SUN1: variants seen among roughly 807,000 people sequenced by gnomAD.
SUN1 encodes the protein SUN domain-containing protein 1.
A neutral mutation model predicts 103.2 loss-of-function variants in SUN1; 61 were observed. That is an observed-to-expected ratio of 0.59 (90% confidence interval 0.48 to 0.73). The LOEUF is 0.73. Ranked by LOEUF, SUN1 falls within the 30% of genes least tolerant of loss-of-function variation. SUN1 has a pLI of 0.00. For missense variants in SUN1, 1,052 were observed against 1,034.6 expected, an observed-to-expected ratio of 1.02 and a Z score of -0.23; for synonymous variants, 490 against 425.7, an observed-to-expected ratio of 1.15 and a Z score of -1.86.
intron 17 of SUN1, among the ~76,000 whole-genome samples, chr7:870,733 G>A (rs1452199677): frequency 2.6e-5 from 4 of 151,950 alleles, no homozygotes; most frequent in South Asian, 2.1e-4. Context: ...TCCCTTTTCC[G>A]CTTCCCTGTG....
intron 1 of SUN1, among the ~76,000 whole-genome samples, chr7:821,463 T>C (rs1785971388): frequency 6.6e-6 from 1 of 152,164 alleles, no homozygotes; most frequent in Admixed American, 6.6e-5. Flanking sequence ...CCCGGCCTGG[T>C]GACCTGTTTT....
At chr7:871,400 A>AT (rs1841563157) in intron 17 of SUN1, among the ~76,000 whole-genome samples, 1 of 151,452 alleles carries the variant, frequency 6.6e-6, no homozygotes, top group Admixed American at 6.6e-5. Flanking sequence ...AGAGGTTTTT[A>AT]TTTTTTGAGA....
chr7:854,814 G>A (rs1336953793), intron 10 of SUN1, 106 bp from the exon 11 acceptor site: 3 of 758,912 alleles, frequency 4.0e-6, no homozygotes, highest in Non-Finnish European at 6.8e-6. Flanking sequence ...TGCGACCACA[G>A]ATTCTCTGAT....
At chr7:854,098 G>A (rs1394199447) in intron 10 of SUN1, among the ~76,000 whole-genome samples, 1 of 152,232 alleles carries the variant, frequency 6.6e-6, no homozygotes, top group Non-Finnish European at 1.5e-5. Flanking sequence ...TTCAGAGGAT[G>A]CCTTCTCTTG....
chr7:865,370 C>G (rs1835638356), intron 15 of SUN1, among the ~76,000 whole-genome samples: 1 of 152,318 alleles, frequency 6.6e-6, no homozygotes, highest in Non-Finnish European at 1.5e-5. Context: ...CTCGGCCTCC[C>G]AAAGTGCTGG....
At chr7:831,905 A>G (rs150293327), upstream of SUN1, 120 of 347,946 alleles carry the variant, frequency 3.4e-4, no homozygotes, top group African/African-American at 2.5e-3. Context: ...ATAAATCTAG[A>G]TGACAACCTG....
At chr7:832,045 G>C, upstream of SUN1, 2 of 988,380 alleles carry the variant, frequency 2.0e-6, no homozygotes, top group Non-Finnish European at 2.4e-6. Context: ...TGAGATGCTT[G>C]TGAGAGCTTC....
Position 873,926 on chromosome 7 carries a change from G to A in SUN1, c.*595G>A, listed in dbSNP as rs1843150922. 1.3e-5 allele frequency: 2 copies of A among 152,538 alleles called. No individual in the cohort carries two copies. Among genetic ancestry groups the A allele is most frequent in the South Asian group, 2.1e-4 (1 of 4,838 alleles). The allele number at this position is 152,538 out of a possible 1,614,324, so 9.4% of individuals were successfully genotyped here. A position where few individuals can be genotyped will look rare whatever the true frequency, so the allele number is the denominator to read the frequency against. ...TACTTCTGAGGAAGGTTTCCAGTCA[G>A]GACTCGCTGTACCAATATCCATGGA... On this transcript the variant is annotated 3_prime_UTR_variant, in exon 19 of 19. Coordinates refer to ENST00000401592, the MANE Select transcript of SUN1 (RefSeq NM_001130965.3).
chr7:867,980 C>T lies in SUN1; in HGVS notation c.1981-1369C>T, dbSNP rs922254525. ...CTCAGTGTCCACCCAGCACCCTGAG[C>T]TGGCAAGGGCTAGGCTTTGGGCTGG... On this transcript the variant is annotated intron_variant, in intron 16 of 18. Transcript: ENST00000401592. 3.3e-5 allele frequency among the ~76,000 whole-genome samples: 5 copies of T among 152,330 alleles called. No individual in the cohort carries two copies. The South Asian group carries it at 6.2e-4, about 19-fold the overall frequency.
Position 857,963 on chromosome 7 carries a change from C to T in SUN1, c.1524+6C>T, listed in dbSNP as rs1829028535. On this transcript the variant is annotated splice_donor_region_variant and intron_variant, in intron 13 of 18. Transcript: ENST00000401592. The stretch of plus-strand genomic sequence containing the variant: ...TGGATGCCGTACAAGAAAGAGTGAG[C>T]TTTCTGCATGTTTACTTTTTGTTTT... 1 of 1,548,958 alleles carries T rather than the reference C, an allele frequency of 6.5e-7. No homozygotes were observed. The highest frequency in any genetic ancestry group is 8.8e-7 in the Non-Finnish European group (1 of 1,140,490).
chr7:867,106 G>C (rs1730362188), intron 16 of SUN1, among the ~76,000 whole-genome samples: 1 of 152,196 alleles, frequency 6.6e-6, no homozygotes, highest in African/African-American at 2.4e-5. Context: ...GATCACATGG[G>C]ACTGTCGTCA....
At chr7:849,212 C>T (rs1008248818) in intron 5 of SUN1, among the ~76,000 whole-genome samples, 6 of 152,264 alleles carry the variant, frequency 3.9e-5, no homozygotes, top group Non-Finnish European at 7.3e-5. Flanking sequence ...GCCTCAGCCT[C>T]CCAAGTGCTG....
chr7:852,310 C>T (rs1234080030), intron 7 of SUN1: 3 of 595,396 alleles, frequency 5.0e-6, no homozygotes, highest in African/African-American at 3.7e-5. Context: ...CAGGCTTCTG[C>T]CCTGCTGCAG....
upstream of SUN1, chr7:831,146 T>C: frequency 2.1e-6 from 1 of 466,960 alleles, no homozygotes; most frequent in Non-Finnish European, 2.8e-6. Flanking sequence ...TTAGTTTTAT[T>C]TGCAAAAGGC....
intron 15 of SUN1, among the ~76,000 whole-genome samples, chr7:863,697 G>T (rs781032180): frequency 1.3e-5 from 2 of 152,162 alleles, no homozygotes; most frequent in Non-Finnish European, 2.9e-5. Flanking sequence ...TTATTGTGAC[G>T]GAAGGTCTGC....
intron 1 of SUN1, among the ~76,000 whole-genome samples, 185 bp from the exon 2 acceptor site, chr7:838,613 G>A (rs1268464272): frequency 1.3e-5 from 2 of 152,232 alleles, no homozygotes; most frequent in African/African-American, 2.4e-5. Flanking sequence ...TGGGGCAGAT[G>A]TCAGGAGCCC....
intron 16 of SUN1, among the ~76,000 whole-genome samples, chr7:867,402 TC>T (rs1159771815): frequency 1.3e-5 from 2 of 152,258 alleles, no homozygotes; most frequent in East Asian, 1.9e-4. Flanking sequence ...GCCACAGTGT[TC>T]CTGCATGGCG....
At chr7:818,564 G>A (rs917688160) in intron 1 of SUN1, among the ~76,000 whole-genome samples, 2 of 152,190 alleles carry the variant, frequency 1.3e-5, no homozygotes, top group South Asian at 2.1e-4. Context: ...ACCAAGGAAT[G>A]GAGTTGCCAG....
At chr7:833,690 T>A (rs949812897) in intron 1 of SUN1, among the ~76,000 whole-genome samples, 3 of 152,228 alleles carry the variant, frequency 2.0e-5, no homozygotes, top group African/African-American at 7.2e-5. Flanking sequence ...AAAATACTTG[T>A]TACCAGCATT....
Sources: gnomAD v4.1 joint callset for allele counts (sites outside exome capture counted in the v4.1 genomes callset) on GRCh38, gnomAD v4.1.1 for gene constraint, MANE v1.5 for transcripts, NCBI Gene and HGNC (gene_info 2026-07-23, HGNC 2026-07-21) for gene names.